The following DAB1 variants were observed in gnomAD, a reference collection of about 807,000 sequenced individuals.
DAB1 encodes disabled homolog 1.
DAB1 carries 15 observed loss-of-function variants against 64.6 expected under a neutral mutation model. The observed-to-expected ratio is 0.23, with a 90% CI of 0.16 to 0.36. The LOEUF (loss-of-function observed/expected upper bound fraction) is 0.36. DAB1 is among the 10% of genes least tolerant of loss of function. The probability of loss-of-function intolerance (pLI) is 1.00; values close to 1 mark genes in which losing one functional copy is unlikely to be tolerated. For synonymous variants in DAB1, 235 were observed against 251.9 expected (o/e 0.93, Z 0.64); for missense variants, 596 against 706.7 (o/e 0.84, Z 1.78).
At chr1:58,423,001 C>T (rs1162032281) in intron 3 of DAB1, among the ~76,000 whole-genome samples, 1 of 152,116 alleles carries the variant, frequency 6.6e-6, no homozygotes, top group African/African-American at 2.4e-5. Context: ...TGCTGCAGCA[C>T]AGAAAAGCAC....
chr1:57,680,920 T>A (rs928539105), intron 6 of DAB1, among the ~76,000 whole-genome samples: 3 of 152,224 alleles, frequency 2.0e-5, no homozygotes, highest in Non-Finnish European at 4.4e-5. Flanking sequence ...TGGGTATTTC[T>A]GTAGGTCACA....
chr1:57,641,386 T>TTTTTTG (rs1307514111), intron 7 of DAB1, among the ~76,000 whole-genome samples: 1 of 138,888 alleles, frequency 7.2e-6, no homozygotes, highest in African/African-American at 2.7e-5. Flanking sequence ...TTGGTTTTTT[T>TTTTTTG]TTTTTTTTTT....
chr1:57,206,119 T>C (rs1455884763), intron 2 of DAB1, among the ~76,000 whole-genome samples: 2 of 152,256 alleles, frequency 1.3e-5, no homozygotes, highest in Admixed American at 6.5e-5. Flanking sequence ...CATTTGAGTA[T>C]GTCTGTAATT....
intron 2 of DAB1, among the ~76,000 whole-genome samples, chr1:57,166,753 A>G (rs1167125437): frequency 6.6e-6 from 1 of 152,238 alleles, no homozygotes; most frequent in African/African-American, 2.4e-5. Context: ...AAGACCTTAC[A>G]TCTAACTCTG....
intron 7 of DAB1, among the ~76,000 whole-genome samples, chr1:57,439,722 C>T (rs1306322303): frequency 2.6e-5 from 4 of 151,326 alleles, no homozygotes; most frequent in South Asian, 2.1e-4. Flanking sequence ...CCACCGCACC[C>T]GGCCAGTGAT....
intron 1 of DAB1, among the ~76,000 whole-genome samples, chr1:57,413,001 A>G (rs183085600): frequency 6.0e-4 from 91 of 152,324 alleles, no homozygotes; most frequent in African/African-American, 2.0e-3. Flanking sequence ...GACTGACTCT[A>G]TCGTTAGGGG....
chr1:58,021,564 T>C (rs1646814999), intron 5 of DAB1, among the ~76,000 whole-genome samples: 1 of 152,128 alleles, frequency 6.6e-6, no homozygotes, highest in Non-Finnish European at 1.5e-5. Context: ...GGTGGACCAA[T>C]TGCTTACATG....
intron 3 of DAB1, among the ~76,000 whole-genome samples, chr1:58,491,426 A>C (rs1645687077): frequency 6.6e-6 from 1 of 152,168 alleles, no homozygotes; most frequent in South Asian, 2.1e-4. Flanking sequence ...ATTAACCTTA[A>C]ATGTAAATGG....
At chr1:57,955,860 G>T (rs1024740756) in intron 5 of DAB1, among the ~76,000 whole-genome samples, 1 of 152,112 alleles carries the variant, frequency 6.6e-6, no homozygotes, top group East Asian at 1.9e-4. Context: ...ATTAATATTT[G>T]CTAATTATAT....
At chr1:57,756,556 G>C (rs1328928131) in intron 6 of DAB1, among the ~76,000 whole-genome samples, 1 of 152,082 alleles carries the variant, frequency 6.6e-6, no homozygotes, top group African/African-American at 2.4e-5. Context: ...AATCGGAAAT[G>C]ACATGATCAG....
intron 5 of DAB1, among the ~76,000 whole-genome samples, chr1:58,019,372 T>C (rs910284541): frequency 1.3e-5 from 2 of 152,238 alleles, no homozygotes; most frequent in African/African-American, 4.8e-5. Flanking sequence ...TTCGTGTTTA[T>C]AGCCCTATTA....
chr1:58,136,084 G>T (rs1653927557), intron 5 of DAB1, among the ~76,000 whole-genome samples: 1 of 152,178 alleles, frequency 6.6e-6, no homozygotes. Flanking sequence ...GAACAAGGCA[G>T]CATGCATATT....
At chr1:58,025,548 TTATA>T (rs201144076) in intron 5 of DAB1, among the ~76,000 whole-genome samples, 1,928 of 147,926 alleles carry the variant, frequency 0.013, 37 homozygotes, top group African/African-American at 0.042. Context: ...AAATATAATA[TTATA>T]TATATATAGA....
chr1:57,820,731 C>T (rs1251698495), intron 6 of DAB1, among the ~76,000 whole-genome samples: 1 of 152,176 alleles, frequency 6.6e-6, no homozygotes, highest in Non-Finnish European at 1.5e-5. Context: ...CTACTGAACA[C>T]AGACATCTTT....
chr1:58,294,154 C>G (rs1661914127), intron 4 of DAB1, among the ~76,000 whole-genome samples: 1 of 152,022 alleles, frequency 6.6e-6, no homozygotes, highest in South Asian at 2.1e-4. Context: ...TACCCAATTC[C>G]ACCAATAGAT....
Position 57,684,463 on chromosome 1 carries a change from G to A in DAB1, n.552-34798C>T, listed in dbSNP as rs747623686. ...ACTTTAAAAACCAGAAGAGATTGGGGATCTATTTTCAGTATCCTTAAAAAA... is the reference window on the plus strand; with the variant it reads ...ACTTTAAAAACCAGAAGAGATTGGGAATCTATTTTCAGTATCCTTAAAAAA... On this transcript the variant is annotated intron_variant and non_coding_transcript_variant, in intron 6 of 20. Coordinates refer to the DAB1 transcript ENST00000485760. 5.3e-5 allele frequency among the ~76,000 whole-genome samples: 8 copies of A among 152,032 alleles called. No individual in the cohort carries two copies. The South Asian group carries it at 1.5e-3, about 28-fold the overall frequency.
At chr1:57,303,160 G>T (rs574630828) in intron 1 of DAB1, among the ~76,000 whole-genome samples, 1 of 152,276 alleles carries the variant, frequency 6.6e-6, no homozygotes, top group East Asian at 1.9e-4. Context: ...GAACAGAAGA[G>T]ACCAGAGAGA....
intron 5 of DAB1, among the ~76,000 whole-genome samples, chr1:58,087,814 A>G (rs1388052341): frequency 6.6e-6 from 1 of 152,254 alleles, no homozygotes; most frequent in Non-Finnish European, 1.5e-5. Flanking sequence ...TGGACATTTA[A>G]GGTCTACTCA....
intron 6 of DAB1, among the ~76,000 whole-genome samples, chr1:57,683,609 C>T (rs1045617891): frequency 2.0e-5 from 3 of 152,184 alleles, no homozygotes; most frequent in Non-Finnish European, 2.9e-5. Flanking sequence ...CTAAGAGCAT[C>T]CAAAAATGAA....
Sources: allele counts gnomAD v4.1 joint callset (sites outside exome capture counted in the v4.1 genomes callset), GRCh38; gene constraint gnomAD v4.1.1; transcripts MANE v1.5; gene names NCBI Gene and HGNC (gene_info 2026-07-23, HGNC 2026-07-21).